The following PCYT1A variants were observed in gnomAD, a reference collection of about 807,000 sequenced individuals.
PCYT1A encodes the protein choline-phosphate cytidylyltransferase A.
In PCYT1A, 25 loss-of-function variants were observed where a neutral mutation model predicts 43.7. That is an observed-to-expected ratio of 0.57 (90% CI 0.42 to 0.80). The LOEUF is 0.80. PCYT1A is among the 30% of genes least tolerant of loss of function. PCYT1A has a pLI of 0.00. For missense variants in PCYT1A, 421 were observed against 474.2 expected (o/e 0.89, Z 1.04); for synonymous variants, 172 against 170.7 (o/e 1.01, Z -0.06).
chr3:196,253,336 C>CAA (rs60342446), intron 3 of PCYT1A, among the ~76,000 whole-genome samples: 1 of 105,978 alleles, frequency 9.4e-6, no homozygotes, highest in South Asian at 3.5e-4. Flanking sequence ...GACTCTGTCT[C>CAA]AAAAAAAAAA....
rs1220825800 is a variant in PCYT1A at position 196,273,482 on chromosome 3, G to A, written c.-10-2941C>T. 1.3e-5 allele frequency among the ~76,000 whole-genome samples: 2 copies of A among 152,192 alleles called. No individual in the cohort carries two copies. Among genetic ancestry groups the A allele is most frequent in the African/African-American group, 4.8e-5 (2 of 41,444 alleles). ...GAGCAAGGTGAAGAGGTGCTTTATTGAGCAACACAACAGCCCTCAGGAGAC... is the reference window on the plus strand; with the variant it reads ...GAGCAAGGTGAAGAGGTGCTTTATTAAGCAACACAACAGCCCTCAGGAGAC... On this transcript the variant is annotated intron_variant, in intron 1 of 8. Coordinates refer to ENST00000431016, the MANE Select transcript of PCYT1A (RefSeq NM_001312673.2). This position sits in a 1 kb window ranked among gnomAD's most constrained non-coding sequence, Gnocchi z 4.1.
intron 3 of PCYT1A, among the ~76,000 whole-genome samples, chr3:196,248,806 G>C (rs1724655707): frequency 6.6e-6 from 1 of 151,680 alleles, no homozygotes; most frequent in African/African-American, 2.4e-5. Context: ...ACCCAGACTG[G>C]AGTGCAGTGG....
chr3:196,272,666 C>G (rs1038277899), intron 1 of PCYT1A, among the ~76,000 whole-genome samples: 1 of 152,182 alleles, frequency 6.6e-6, no homozygotes, highest in African/African-American at 2.4e-5. Flanking sequence ...CTTTCAGGGT[C>G]TTAACACCTC....
chr3:196,285,293 T>G (rs550122616), intron 1 of PCYT1A, among the ~76,000 whole-genome samples: 3 of 152,146 alleles, frequency 2.0e-5, no homozygotes, highest in African/African-American at 7.2e-5. Flanking sequence ...ACCCTGTCTC[T>G]ACTAAAAATA....
intron 1 of PCYT1A, among the ~76,000 whole-genome samples, chr3:196,285,651 C>T (rs1258023664): frequency 4.6e-5 from 7 of 152,138 alleles, no homozygotes; most frequent in African/African-American, 1.7e-4. Context: ...GGCTTGGCCT[C>T]AGTGTACAAA....
At chr3:196,280,126 CG>C (rs1362254389) in intron 1 of PCYT1A, among the ~76,000 whole-genome samples, 3 of 151,986 alleles carry the variant, frequency 2.0e-5, no homozygotes, top group Non-Finnish European at 4.4e-5. Context: ...CCACCGCACC[CG>C]GCCTATCCAA....
rs563441997 is a variant in PCYT1A at position 196,239,289 on chromosome 3, G to C, written c.897+258C>G. Among the ~76,000 whole-genome samples, 15 of 152,286 alleles carry C rather than the reference G, an allele frequency of 9.8e-5. 1 individual carries two copies. The South Asian group carries it at 3.1e-3, about 32-fold the overall frequency. On this transcript the variant is annotated intron_variant, in intron 8 of 8. Transcript: ENST00000431016. ...ATCTAAAATCATACCACAGATAAAA[G>C]CTGGGCAAGGCGACTTGCTTATCTT...
chr3:196,267,438 A>G, intron 2 of PCYT1A: 1 of 418,652 alleles, frequency 2.4e-6, no homozygotes, highest in Non-Finnish European at 4.8e-6. Context: ...ATCCCAGGCC[A>G]GGCATGGTGG....
chr3:196,267,276 A>G, intron 2 of PCYT1A: 1 of 456,434 alleles, frequency 2.2e-6, no homozygotes, highest in Non-Finnish European at 4.4e-6. Context: ...CAAAGACCAC[A>G]TACCGTATGA....
rs767036155 is a variant in PCYT1A at position 196,235,212 on chromosome 3, A to C, written c.*3476T>G. 1 of 152,216 alleles carries C rather than the reference A, an allele frequency of 6.6e-6. No individual in the cohort carries two copies. Among genetic ancestry groups the C allele is most frequent in the South Asian group, 2.1e-4 (1 of 4,832 alleles). 9.4% of individuals were successfully genotyped at this position (152,216 alleles called of 1,614,324 possible). On this transcript the variant is annotated 3_prime_UTR_variant, in exon 9 of 9. Transcript: ENST00000431016. This position sits in a 1 kb window ranked among gnomAD's most constrained non-coding sequence, Gnocchi z 4.3. ...ATGACGCCCTATGAACCACTGTGGA[A>C]AGAACATCTAGAGATGGTCTGACCA...
In PCYT1A at chr3:196,242,730, G is replaced by A; in HGVS notation, c.487-90C>T. On this transcript the variant is annotated intron_variant, in intron 5 of 8. Transcript: ENST00000431016. The surrounding 1 kb of genome is among the most constrained non-coding windows in gnomAD (Gnocchi z 4.2). ...TCTCAGGCCCAGAAAAAGGACAATA[G>A]GCAGAGGCCAGGCCTCAGTGGACTT... 1.2e-6 allele frequency: 1 copy of A among 860,178 alleles called. No homozygotes were observed. The highest frequency in any genetic ancestry group is 2.0e-6 in the Non-Finnish European group (1 of 496,694). The allele number at this position is 860,178 out of a possible 1,614,324, so 53.3% of individuals were successfully genotyped here.
In PCYT1A at chr3:196,247,701, C is replaced by G. The variant is rs1724615322; in HGVS notation, c.335-183G>C. On this transcript the variant is annotated intron_variant, in intron 4 of 8. Coordinates refer to ENST00000431016, the MANE Select transcript of PCYT1A (RefSeq NM_001312673.2). The surrounding 1 kb of genome is among the most constrained non-coding windows in gnomAD (Gnocchi z 4.8). ...CTTTTCCTAATGCAGCGTATACCTT[C>G]AGGAGCAACACTCACTAAACAGTAT... The G allele has an allele frequency of 4.3e-6, 3 of 699,268 alleles. No individual in the cohort carries two copies. Among genetic ancestry groups the G allele is most frequent in the Non-Finnish European group, 5.2e-6 (2 of 382,982 alleles). The allele number at this position is 699,268 out of a possible 1,614,324, so 43.3% of individuals were successfully genotyped here. A position where few individuals can be genotyped will look rare whatever the true frequency, so the allele number is the denominator to read the frequency against.
At chr3:196,250,617 CCAGATACACTATGCTGAGGCTGAGGAT>C (rs1724734796) in intron 3 of PCYT1A, 1 of 138,884 alleles carries the variant, frequency 7.2e-6, no homozygotes, top group Non-Finnish European at 1.4e-5. Context: ...ATGCTGAGGA[CCAGATACACTATGCTGAGGCTGAGGAT>C]CAGATACACT....
At chr3:196,280,573 T>TTG (rs1553837260) in intron 1 of PCYT1A, among the ~76,000 whole-genome samples, 10 of 144,992 alleles carry the variant, frequency 6.9e-5, no homozygotes, top group African/African-American at 2.6e-4. Context: ...TTTTATTGTT[T>TTG]TTTTTTTTTT....
At chr3:196,286,042 A>G (rs1725902353) in intron 1 of PCYT1A, among the ~76,000 whole-genome samples, 1 of 149,124 alleles carries the variant, frequency 6.7e-6, no homozygotes, top group African/African-American at 2.5e-5. Context: ...CTCTATAAAT[A>G]TCACAAATAC....
Position 196,280,308 on chromosome 3 carries a change from T to C in PCYT1A, c.-11+7307A>G, listed in dbSNP as rs192734436. Reference sequence around the variant, plus strand: ...CTGAACCCCTAGAGAGTATGGACCCTATATGGACAGTTGTCCCTCAGAATC... The same window carrying C: ...CTGAACCCCTAGAGAGTATGGACCCCATATGGACAGTTGTCCCTCAGAATC... On this transcript the variant is annotated intron_variant, in intron 1 of 8. Transcript: ENST00000431016. 1.8e-3 allele frequency among the ~76,000 whole-genome samples: 267 copies of C among 152,298 alleles called. 2 individuals are homozygous for C. The highest frequency in any genetic ancestry group is 6.2e-3 in the African/African-American group (258 of 41,560).
At chr3:196,287,085 C>A (rs1295246958) in intron 1 of PCYT1A, 2 of 152,196 alleles carry the variant, frequency 1.3e-5, no homozygotes, top group Non-Finnish European at 2.9e-5. Flanking sequence ...TAAACTCAGG[C>A]CTGTTAAGTT....
In PCYT1A at chr3:196,242,319, G is replaced by C. The variant is rs1317481492; in HGVS notation, c.566-229C>G. Reference sequence around the variant, plus strand: ...CTAATATTAAGAAAAATATGAGAAAGGGTTTCCTGAAATTAAGAGAGATAT... The same window carrying C: ...CTAATATTAAGAAAAATATGAGAAACGGTTTCCTGAAATTAAGAGAGATAT... On this transcript the variant is annotated intron_variant, in intron 6 of 8. Coordinates refer to ENST00000431016, the MANE Select transcript of PCYT1A (RefSeq NM_001312673.2). This position sits in a 1 kb window ranked among gnomAD's most constrained non-coding sequence, Gnocchi z 4.2. 1.5e-6 allele frequency: 1 copy of C among 651,164 alleles called. No individual in the cohort carries two copies. The highest frequency in any genetic ancestry group is 2.7e-6 in the Non-Finnish European group (1 of 364,378). 40.3% of individuals were successfully genotyped at this position (651,164 alleles called of 1,614,324 possible).
rs112550383 is a variant in PCYT1A at position 196,250,536 on chromosome 3, T to A, written c.218-2213A>T. The A allele has an allele frequency of 8.7e-3, 1,442 of 165,984 alleles. 27 individuals carry two copies. The highest frequency in any genetic ancestry group is 0.033 in the African/African-American group (1,349 of 41,024). The allele number at this position is 165,984 out of a possible 1,614,324, so 10.3% of individuals were successfully genotyped here. A position where few individuals can be genotyped will look rare whatever the true frequency, so the allele number is the denominator to read the frequency against. On this transcript the variant is annotated intron_variant, in intron 3 of 8. Coordinates refer to ENST00000431016, the MANE Select transcript of PCYT1A (RefSeq NM_001312673.2). The stretch of plus-strand genomic sequence containing the variant: ...AGGACCAGATACACTATGCTGAGGC[T>A]GAGGATCAGATACACTATGCTGAGG...
Sources: gnomAD v4.1 joint callset for allele counts (sites outside exome capture counted in the v4.1 genomes callset) on GRCh38, gnomAD v4.1.1 for gene constraint, Gnocchi (gnomAD v3.1) non-coding constraint, MANE v1.5 for transcripts, NCBI Gene and HGNC (gene_info 2026-07-23, HGNC 2026-07-21) for gene names.